UHRF2: variants seen among roughly 807,000 people sequenced by gnomAD.
The protein encoded by UHRF2 is ubiquitin like with PHD and ring finger domains 2.
UHRF2 carries 23 observed loss-of-function variants against 96.8 expected under a neutral mutation model. The ratio of observed to expected loss-of-function variants is 0.24; its 90% CI spans 0.17 to 0.34. The LOEUF is 0.34. Ranked by LOEUF, UHRF2 falls within the 10% of genes least tolerant of loss-of-function variation. The pLI, the probability that UHRF2 is intolerant of heterozygous loss-of-function variation, is 1.00. For synonymous variants in UHRF2, 385 were observed against 332.6 expected, an observed-to-expected ratio of 1.16 and a Z score of -1.72; for missense variants, 685 against 981.5, an observed-to-expected ratio of 0.70 and a Z score of 4.04.
intron 14 of UHRF2, among the ~76,000 whole-genome samples, chr9:6,502,280 T>C (rs1162028149): frequency 1.3e-5 from 2 of 152,208 alleles, no homozygotes; most frequent in Non-Finnish European, 2.9e-5. Context: ...GTCACTGTTT[T>C]ATTTAAACAT....
chr9:6,496,049 A>C (rs565364326), intron 10 of UHRF2: 2 of 152,258 alleles, frequency 1.3e-5, no homozygotes, highest in South Asian at 4.1e-4. Context: ...ACAGCTATAT[A>C]AGTTATTTTT....
At chr9:6,424,344 T>G (rs904291913) in intron 2 of UHRF2, among the ~76,000 whole-genome samples, 1 of 149,848 alleles carries the variant, frequency 6.7e-6, no homozygotes, top group East Asian at 2.0e-4. Context: ...TTAAGACTTA[T>G]GTAAATTAAA....
At chr9:6,485,462 G>A (rs1824209394) in intron 8 of UHRF2, among the ~76,000 whole-genome samples, 2 of 151,894 alleles carry the variant, frequency 1.3e-5, no homozygotes. Context: ...GAAGATTTAG[G>A]AAAAACAGAT....
At chr9:6,419,711 C>T (rs1354123812) in intron 1 of UHRF2, among the ~76,000 whole-genome samples, 1 of 151,980 alleles carries the variant, frequency 6.6e-6, no homozygotes, top group Admixed American at 6.6e-5. Flanking sequence ...CATAAGGTCA[C>T]AGCCACAATG....
At chr9:6,441,404 A>T (rs1821154343) in intron 3 of UHRF2, among the ~76,000 whole-genome samples, 1 of 151,740 alleles carries the variant, frequency 6.6e-6, no homozygotes, top group Non-Finnish European at 1.5e-5. Flanking sequence ...AAAAAAAAGC[A>T]GAATTAAAAA....
chr9:6,483,300 G>A (rs1313915468), intron 8 of UHRF2, among the ~76,000 whole-genome samples: 1 of 148,520 alleles, frequency 6.7e-6, no homozygotes, highest in African/African-American at 2.5e-5. Context: ...ACTCCAGCCT[G>A]GGTGACAGAG....
intron 4 of UHRF2, among the ~76,000 whole-genome samples, chr9:6,462,691 G>A (rs1822618081): frequency 6.6e-6 from 1 of 152,104 alleles, no homozygotes; most frequent in Non-Finnish European, 1.5e-5. Context: ...GACCAAGGTG[G>A]GCGGATCATG....
At chr9:6,427,237 A>G (rs777034276) in intron 2 of UHRF2, among the ~76,000 whole-genome samples, 10 of 152,134 alleles carry the variant, frequency 6.6e-5, no homozygotes, top group Admixed American at 5.2e-4. Flanking sequence ...AGAGCTTTCT[A>G]TAGTTGAAAT....
intron 2 of UHRF2, among the ~76,000 whole-genome samples, chr9:6,432,186 A>AT (rs1388767477): frequency 1.3e-5 from 2 of 151,916 alleles, no homozygotes; most frequent in African/African-American, 4.8e-5. Flanking sequence ...TTAGGTTTTT[A>AT]TTTTTTCCTA....
chr9:6,479,079 A>G (rs1033013691), intron 6 of UHRF2, among the ~76,000 whole-genome samples: 2 of 152,074 alleles, frequency 1.3e-5, no homozygotes, highest in African/African-American at 4.8e-5. Context: ...TTAGCATTCT[A>G]GAATCTCTTG....
chr9:6,481,890 A>C (rs1823950090), intron 7 of UHRF2, 102 bp from the exon 8 acceptor site: 1 of 1,532,164 alleles, frequency 6.5e-7, no homozygotes, highest in African/African-American at 1.4e-5. Flanking sequence ...AATGGTACTT[A>C]AATTACATAA....
intron 8 of UHRF2, among the ~76,000 whole-genome samples, chr9:6,483,324 CAAA>C (rs34497002): frequency 5.0e-5 from 3 of 59,508 alleles, no homozygotes; most frequent in South Asian, 6.1e-4. Context: ...GACTCTGTCT[CAAA>C]AAAAAAAAAA....
chr9:6,428,481 C>A (rs375101849), intron 2 of UHRF2, among the ~76,000 whole-genome samples: 1 of 147,170 alleles, frequency 6.8e-6, no homozygotes, highest in Non-Finnish European at 1.5e-5. Flanking sequence ...CAACCCTAAT[C>A]CCTAATTTTC....
intron 4 of UHRF2, 138 bp from the exon 5 acceptor site, chr9:6,475,253 C>T: frequency 2.2e-6 from 1 of 447,748 alleles, no homozygotes; most frequent in Non-Finnish European, 3.9e-6. Flanking sequence ...AACAATAGTT[C>T]AGAATGATTG....
At chr9:6,420,246 G>A (rs1187259431) in intron 1 of UHRF2, among the ~76,000 whole-genome samples, 1 of 151,648 alleles carries the variant, frequency 6.6e-6, no homozygotes, top group African/African-American at 2.4e-5. Context: ...TAGTAGAGAC[G>A]GGGTTTCACC....
chr9:6,447,860 G>C (rs1821610876), intron 3 of UHRF2, among the ~76,000 whole-genome samples: 1 of 152,198 alleles, frequency 6.6e-6, no homozygotes, highest in Admixed American at 6.5e-5. Context: ...TGGTGTTGGA[G>C]AACCTTGGGG....
chr9:6,489,902 G>A (rs1824557789), intron 9 of UHRF2, among the ~76,000 whole-genome samples: 2 of 152,084 alleles, frequency 1.3e-5, no homozygotes, highest in South Asian at 4.1e-4. Flanking sequence ...GGCGGATTTG[G>A]CAGTGCATTT....
chr9:6,423,393 T>G (rs1376327136), intron 2 of UHRF2, among the ~76,000 whole-genome samples: 2 of 152,178 alleles, frequency 1.3e-5, no homozygotes, highest in African/African-American at 2.4e-5. Flanking sequence ...AACATTGACA[T>G]AAAACCTAAG....
intron 6 of UHRF2, among the ~76,000 whole-genome samples, chr9:6,478,352 C>G (rs970913104): frequency 2.0e-5 from 3 of 152,158 alleles, no homozygotes; most frequent in African/African-American, 7.2e-5. Context: ...TCTGGTAATC[C>G]TTTATGGATG....
Sources: gnomAD v4.1 joint callset for allele counts (sites outside exome capture counted in the v4.1 genomes callset) on GRCh38, gnomAD v4.1.1 for gene constraint, MANE v1.5 for transcripts, NCBI Gene and HGNC (gene_info 2026-07-23, HGNC 2026-07-21) for gene names.